MYO1D: variants seen among roughly 807,000 people sequenced by gnomAD.
MYO1D encodes myosin ID, also known as unconventional myosin-Id.
A neutral mutation model predicts 122.0 loss-of-function variants in MYO1D; 83 were observed. The ratio of observed to expected loss-of-function variants is 0.68; its 90% confidence interval spans 0.57 to 0.82. The LOEUF (loss-of-function observed/expected upper bound fraction) is 0.82. Among genes scored for constraint, MYO1D ranks in the 40% least tolerant of loss-of-function variants. The pLI, the probability that MYO1D is intolerant of heterozygous loss-of-function variation, is 0.00. For missense variants in MYO1D, 1,157 were observed against 1,269.5 expected (o/e 0.91, Z 1.35); for synonymous variants, 464 against 446.9 (o/e 1.04, Z -0.48).
At chr17:32,643,386 T>G (rs945198920) in intron 19 of MYO1D, among the ~76,000 whole-genome samples, 6 of 152,204 alleles carry the variant, frequency 3.9e-5, no homozygotes, top group African/African-American at 1.4e-4. Flanking sequence ...AAAATTCTCT[T>G]TTTTTGTTGT....
At chr17:32,607,168 A>T (rs1382733438) in intron 20 of MYO1D, among the ~76,000 whole-genome samples, 1 of 152,148 alleles carries the variant, frequency 6.6e-6, no homozygotes, top group Admixed American at 6.5e-5. Context: ...TCAAAGAAAA[A>T]AAAAATTAAA....
At chr17:32,532,599 G>A (rs963832240) in intron 21 of MYO1D, among the ~76,000 whole-genome samples, 1 of 151,820 alleles carries the variant, frequency 6.6e-6, no homozygotes, top group Non-Finnish European at 1.5e-5. Flanking sequence ...TGGTGGCGGC[G>A]CCTGTAGTCC....
chr17:32,501,684 C>T (rs888807730), intron 21 of MYO1D, among the ~76,000 whole-genome samples: 6 of 152,218 alleles, frequency 3.9e-5, no homozygotes, highest in African/African-American at 9.6e-5. Context: ...CATCCCAGTC[C>T]GCGAGGACAG....
intron 10 of MYO1D, chr17:32,756,398 A>C (rs2089947541): frequency 4.8e-6 from 1 of 207,532 alleles, no homozygotes; most frequent in East Asian, 7.3e-5. Flanking sequence ...CAGCCTCTTC[A>C]GATACTCTTG....
chr17:32,707,034 C>A (rs1222064863), intron 16 of MYO1D, among the ~76,000 whole-genome samples: 1 of 151,966 alleles, frequency 6.6e-6, no homozygotes, highest in African/African-American at 2.4e-5. Flanking sequence ...AACCCAGATG[C>A]TATGAAGAAA....
At chr17:32,553,070 T>A (rs2087032829) in intron 21 of MYO1D, among the ~76,000 whole-genome samples, 1 of 119,556 alleles carries the variant, frequency 8.4e-6, no homozygotes, top group Non-Finnish European at 1.7e-5. Flanking sequence ...GATGCCATTC[T>A]CTAAGACAAA....
intron 20 of MYO1D, 41 bp downstream of exon 20, chr17:32,638,681 G>T (rs373150573): frequency 9.1e-6 from 13 of 1,428,752 alleles, no homozygotes; most frequent in Non-Finnish European, 1.3e-5. Flanking sequence ...ATGAGCACCA[G>T]GTTAAGAATC....
intron 1 of MYO1D, among the ~76,000 whole-genome samples, chr17:32,815,339 T>A (rs921333513): frequency 6.6e-6 from 1 of 152,186 alleles, no homozygotes; most frequent in Non-Finnish European, 1.5e-5. Context: ...CTTATAGAAG[T>A]TGCCCATTTC....
At chr17:32,659,393 G>T in intron 16 of MYO1D, 55 bp from the exon 17 acceptor site, 1 of 1,557,538 alleles carries the variant, frequency 6.4e-7, no homozygotes, top group South Asian at 1.1e-5. Flanking sequence ...AGTTGTGGAT[G>T]GCTTTGATAT....
rs1472888331 is a variant in MYO1D, at chr17:32,494,072, C to T, written c.*687G>A. 6.6e-6 allele frequency: 1 copy of T among 152,662 alleles called. No homozygotes were observed. The highest frequency in any genetic ancestry group is 1.5e-5 in the Non-Finnish European group (1 of 68,380). The allele number at this position is 152,662 out of a possible 1,614,324, so 9.5% of individuals were successfully genotyped here. On this transcript the variant is annotated 3_prime_UTR_variant, in exon 22 of 22. Transcript: ENST00000318217. Reference sequence around the variant, plus strand: ...TCCTTGGAGCATGCCACACTGTCCTCTCCAGAGCGGTGGTCAGAGGCCCTG... The same window carrying T: ...TCCTTGGAGCATGCCACACTGTCCTTTCCAGAGCGGTGGTCAGAGGCCCTG...
chr17:32,511,022 T>G (rs1207801268), intron 21 of MYO1D, among the ~76,000 whole-genome samples: 1 of 149,924 alleles, frequency 6.7e-6, no homozygotes, highest in East Asian at 2.0e-4. Flanking sequence ...ACAAAACAAA[T>G]GAGACAGCAG....
chr17:32,696,737 A>G (rs1435361177), intron 16 of MYO1D, among the ~76,000 whole-genome samples: 4 of 152,230 alleles, frequency 2.6e-5, no homozygotes, highest in Non-Finnish European at 5.9e-5. Flanking sequence ...TTCCTGTGAT[A>G]TGGAAAGGCT....
At chr17:32,703,451 GTTT>G (rs919547291) in intron 16 of MYO1D, among the ~76,000 whole-genome samples, 1 of 142,008 alleles carries the variant, frequency 7.0e-6, no homozygotes, top group Non-Finnish European at 1.5e-5. Flanking sequence ...CCTTTTGCTT[GTTT>G]TTTTTTTTTG....
At chr17:32,806,390 T>C (rs943360928) in intron 1 of MYO1D, among the ~76,000 whole-genome samples, 2 of 152,206 alleles carry the variant, frequency 1.3e-5, no homozygotes, top group Non-Finnish European at 2.9e-5. Context: ...ATTTGTAAAT[T>C]AGAATGTTTA....
intron 14 of MYO1D, among the ~76,000 whole-genome samples, chr17:32,731,463 C>T (rs2089638314): frequency 6.6e-6 from 1 of 152,212 alleles, no homozygotes; most frequent in South Asian, 2.1e-4. Flanking sequence ...CTGATCATTT[C>T]TGTATCAGAA....
intron 21 of MYO1D, among the ~76,000 whole-genome samples, chr17:32,520,994 C>T (rs753630117): frequency 5.9e-5 from 9 of 152,204 alleles, no homozygotes; most frequent in Non-Finnish European, 8.8e-5. Flanking sequence ...CGGGGAATCG[C>T]GCCCCTTTGT....
intron 21 of MYO1D, among the ~76,000 whole-genome samples, chr17:32,552,635 A>G (rs749625809): frequency 6.6e-6 from 1 of 152,132 alleles, no homozygotes; most frequent in Non-Finnish European, 1.5e-5. Context: ...TGTCCTAGGT[A>G]CTGTGCTGGG....
intron 19 of MYO1D, among the ~76,000 whole-genome samples, chr17:32,639,410 T>TGC (rs1555634439): frequency 5.3e-5 from 8 of 149,764 alleles, no homozygotes; most frequent in Admixed American, 2.0e-4. Context: ...TGTGTGTGTG[T>TGC]AGAATGCTAC....
chr17:32,856,301 A>G (rs1478063080), intron 1 of MYO1D, among the ~76,000 whole-genome samples: 1 of 152,174 alleles, frequency 6.6e-6, no homozygotes, highest in Non-Finnish European at 1.5e-5. Context: ...CCTTTGCAGA[A>G]GACTCTCTGT....
Sources: gnomAD v4.1 joint callset for allele counts (sites outside exome capture counted in the v4.1 genomes callset) on GRCh38, gnomAD v4.1.1 for gene constraint, MANE v1.5 for transcripts, NCBI Gene and HGNC (gene_info 2026-07-23, HGNC 2026-07-21) for gene names.